APBA2: variants seen among roughly 807,000 people sequenced by gnomAD.
The protein encoded by APBA2 is amyloid beta precursor protein binding family A member 2, also known as amyloid-beta A4 precursor protein-binding family A member 2.
A neutral mutation model predicts 75.0 loss-of-function variants in APBA2; 30 were observed. The observed-to-expected ratio is 0.40, with a 90% CI of 0.30 to 0.54. The LOEUF (loss-of-function observed/expected upper bound fraction) is 0.54. Ranked by LOEUF, APBA2 falls within the 20% of genes least tolerant of loss-of-function variation. The pLI, the probability that APBA2 is intolerant of heterozygous loss-of-function variation, is 0.49. For synonymous variants in APBA2, 444 were observed against 409.6 expected (o/e 1.08, Z -1.01); for missense variants, 801 against 1,016.1 (o/e 0.79, Z 2.88).
intron 2 of APBA2, among the ~76,000 whole-genome samples, chr15:28,932,608 AG>A (rs71132860): frequency 6.6e-6 from 1 of 152,188 alleles, no homozygotes; most frequent in African/African-American, 2.4e-5. Context: ...ACGGCCCCAT[AG>A]GGGGTTGGTC....
At chr15:29,032,650 A>G (rs1001758) in intron 3 of APBA2, among the ~76,000 whole-genome samples, 4 of 152,176 alleles carry the variant, frequency 2.6e-5, no homozygotes. Flanking sequence ...GTCAGAAGTC[A>G]TGTGTCTCCT....
At chr15:29,111,461 C>T (rs1010443172) in intron 13 of APBA2, among the ~76,000 whole-genome samples, 1 of 152,070 alleles carries the variant, frequency 6.6e-6, no homozygotes, top group African/African-American at 2.4e-5. Context: ...CCTGAGAGTG[C>T]CAGGGAGGGT....
intron 2 of APBA2, among the ~76,000 whole-genome samples, chr15:28,931,015 C>T (rs374430297): frequency 4.6e-5 from 7 of 152,204 alleles, no homozygotes; most frequent in Non-Finnish European, 1.0e-4. Context: ...GTGCCGCGTC[C>T]GCAGACATTG....
At chr15:29,091,101 C>A (rs1257161189) in intron 6 of APBA2, among the ~76,000 whole-genome samples, 4 of 152,144 alleles carry the variant, frequency 2.6e-5, no homozygotes, top group Non-Finnish European at 5.9e-5. Context: ...GACAGGTGGA[C>A]AGGGGTTCCT....
In APBA2 at chr15:29,108,598, C is replaced by T. The variant is rs537905487; in HGVS notation, c.2037+209C>T. 191 of 733,832 alleles carry T rather than the reference C, an allele frequency of 2.6e-4. No homozygotes were observed. The African/African-American group carries it at 2.6e-3, about 10-fold the overall frequency. The allele number at this position is 733,832 out of a possible 1,614,324, so 45.5% of individuals were successfully genotyped here. A position where few individuals can be genotyped will look rare whatever the true frequency, so the allele number is the denominator to read the frequency against. On this transcript the variant is annotated intron_variant, in intron 13 of 14. Coordinates refer to ENST00000683413, the MANE Select transcript of APBA2 (RefSeq NM_001353788.2). ...TAGAAGGGGAGGGCCAGGGCATGGCCGTGGATTGGGCCCCTCCAGCCTTTC... is the reference window on the plus strand; with the variant it reads ...TAGAAGGGGAGGGCCAGGGCATGGCTGTGGATTGGGCCCCTCCAGCCTTTC...
At position 28,963,430 on chromosome 15, in the gene APBA2, C is replaced by G. The variant is rs147681500; in HGVS notation, c.-94-32323C>G. On this transcript the variant is annotated intron_variant, in intron 2 of 14. Transcript: ENST00000683413. ...CCTGAAAGATGTCCTTTCATCCTCC[C>G]CACCCACCTGAAAGATGAGAAGTGG... Among the ~76,000 whole-genome samples, 930 of 152,298 alleles carry G rather than the reference C, an allele frequency of 6.1e-3. 13 individuals are homozygous for G. The highest frequency in any genetic ancestry group is 0.021 in the African/African-American group (853 of 41,566).
chr15:28,913,058 G>A (rs1025303602), intron 1 of APBA2, among the ~76,000 whole-genome samples: 23 of 152,168 alleles, frequency 1.5e-4, no homozygotes, highest in African/African-American at 4.6e-4. Context: ...GGACCATTGC[G>A]TTTTGTCGTA....
chr15:29,114,716 G>A (rs1451303877), intron 14 of APBA2, among the ~76,000 whole-genome samples: 2 of 151,780 alleles, frequency 1.3e-5, no homozygotes, highest in Non-Finnish European at 2.9e-5. Context: ...GTGCACGTGG[G>A]TGTATAGGGG....
chr15:29,051,158 C>G (rs1219130376), intron 3 of APBA2, among the ~76,000 whole-genome samples: 1 of 152,204 alleles, frequency 6.6e-6, no homozygotes, highest in Non-Finnish European at 1.5e-5. Context: ...GATAAGAAAT[C>G]TGGTGACAAG....
At chr15:28,954,672 C>T (rs2036072296) in intron 2 of APBA2, among the ~76,000 whole-genome samples, 1 of 152,166 alleles carries the variant, frequency 6.6e-6, no homozygotes, top group Non-Finnish European at 1.5e-5. Context: ...CTGACATCTT[C>T]TTGAAGACGG....
intron 2 of APBA2, among the ~76,000 whole-genome samples, chr15:28,976,033 A>T (rs921423912): frequency 6.6e-5 from 10 of 152,334 alleles, no homozygotes; most frequent in Non-Finnish European, 1.5e-4. Flanking sequence ...GCATATGGAG[A>T]TCTTAAATTA....
chr15:29,115,090 G>A (rs1282441827), intron 14 of APBA2, among the ~76,000 whole-genome samples: 1 of 151,996 alleles, frequency 6.6e-6, no homozygotes, highest in Non-Finnish European at 1.5e-5. Context: ...CGCACGAGGC[G>A]GGAGGCTGAG....
intron 3 of APBA2, among the ~76,000 whole-genome samples, chr15:29,028,285 G>T (rs1426142862): frequency 6.6e-6 from 1 of 152,028 alleles, no homozygotes; most frequent in Non-Finnish European, 1.5e-5. Flanking sequence ...AGTTTGCTGA[G>T]GATAATGGCT....
chr15:29,039,883 G>A (rs2040948552), intron 3 of APBA2, among the ~76,000 whole-genome samples: 1 of 152,178 alleles, frequency 6.6e-6, no homozygotes, highest in African/African-American at 2.4e-5. Flanking sequence ...TGAACAGAAT[G>A]AAAAGCAACC....
intron 2 of APBA2, among the ~76,000 whole-genome samples, chr15:28,968,407 G>A (rs147120034): frequency 9.8e-4 from 149 of 152,318 alleles, no homozygotes; most frequent in African/African-American, 3.4e-3. Context: ...ACGTGTGGAA[G>A]ACTTTGAGGC....
rs772806580 is a variant in APBA2, at chr15:29,105,360, T to C, written c.1525-19T>C. 2 of 1,607,428 alleles carry C rather than the reference T, an allele frequency of 1.2e-6. No individual in the cohort carries two copies. ...CCTGTGCCACGTGCCTGTCTCCAGC[T>C]GGCCTGCCCTCTGCACAGGCCCAGC... is the stretch of plus-strand genomic sequence containing the variant. On this transcript the variant is annotated intron_variant, in intron 10 of 14. Coordinates refer to ENST00000683413, the MANE Select transcript of APBA2 (RefSeq NM_001353788.2).
At chr15:28,951,732 G>GT (rs1054078261) in intron 2 of APBA2, among the ~76,000 whole-genome samples, 5 of 152,042 alleles carry the variant, frequency 3.3e-5, no homozygotes, top group African/African-American at 1.2e-4. Flanking sequence ...CTACAGGCGT[G>GT]TGCCACCACA....
intron 2 of APBA2, among the ~76,000 whole-genome samples, chr15:28,934,381 C>T (rs946556201): frequency 6.6e-6 from 1 of 152,142 alleles, no homozygotes; most frequent in Non-Finnish European, 1.5e-5. Flanking sequence ...GCCTGGAGTC[C>T]AGCTGTCCTT....
At chr15:29,017,339 A>T (rs1595736989) in intron 3 of APBA2, among the ~76,000 whole-genome samples, 1 of 142,156 alleles carries the variant, frequency 7.0e-6, no homozygotes, top group African/African-American at 2.6e-5. Flanking sequence ...TGACCTATTC[A>T]TTCTATCTTT....
Sources: gnomAD v4.1 joint callset for allele counts (sites outside exome capture counted in the v4.1 genomes callset) on GRCh38, gnomAD v4.1.1 for gene constraint, MANE v1.5 for transcripts, NCBI Gene and HGNC (gene_info 2026-07-23, HGNC 2026-07-21) for gene names.